Variants in KRT71 observed in about 807,000 individuals in gnomAD.
KRT71 encodes keratin, type II cytoskeletal 71.
In KRT71, 42 loss-of-function variants were observed where a neutral mutation model predicts 46.2. That is an observed-to-expected ratio of 0.91 (90% CI 0.71 to 1.18). The LOEUF (loss-of-function observed/expected upper bound fraction) is 1.18. Among genes scored for constraint, KRT71 ranks in the 50% most tolerant of loss-of-function variants. The pLI is 0.00. For missense variants in KRT71, 708 were observed against 677.9 expected (o/e 1.04, Z -0.49); for synonymous variants, 292 against 277.8 (o/e 1.05, Z -0.51).
rs1433117135 is a variant in KRT71, at chr12:52,544,574, C to T, written c.1530G>A (p.Lys510=). 1.2e-6 allele frequency: 2 copies of T among 1,614,000 alleles called. No individual in the cohort carries two copies. The highest frequency in any genetic ancestry group is 1.7e-6 in the Non-Finnish European group (2 of 1,179,998). The change falls in exon 9 of 9, where the codon AAG becomes AAA. Residue 510 remains lysine (K), a synonymous_variant. Transcript: ENST00000267119. ...TGGAGGGTGCACTCAGGCTGGAACC[C>T]TTCCCTAGGGTGTCTTTGTAATCGT... The part of the protein sequence containing the change: ...SANDYKDTLG[K]GSSLSAPSKK...
Position 52,552,876 on chromosome 12 carries a change from C to G in KRT71, c.202G>C (p.Gly68Arg). 6.2e-7 allele frequency: 1 copy of G among 1,614,200 alleles called. No individual in the cohort carries two copies. The highest frequency in any genetic ancestry group is 8.5e-7 in the Non-Finnish European group (1 of 1,180,042). The change falls in exon 1 of 9, where the codon GGC becomes CGC. Residue 68 changes from glycine to arginine, a missense_variant. Gly to Arg is a moderately radical substitution (Grantham distance 125). Transcript: ENST00000267119. ...GCCCGGCCCCGGCCAAATCCATAGC[C>G]TCCACTCTTCCCGCTGCCACTGGCC... is the stretch of plus-strand genomic sequence containing the variant. ...NVASGSGKSG[G>R]YGFGRGRASG...
chr12:52,547,234 T>G (rs1256582177), intron 6 of KRT71, among the ~76,000 whole-genome samples: 1 of 152,182 alleles, frequency 6.6e-6, no homozygotes, highest in Non-Finnish European at 1.5e-5. Flanking sequence ...CGAGGGCAAC[T>G]GTTGCCTCTC....
At position 52,550,179 on chromosome 12, in the gene KRT71, T is replaced by C. The variant is rs1939143148; in HGVS notation, c.506A>G (p.Asp169Gly). 4 of 1,614,048 alleles carry C rather than the reference T, an allele frequency of 2.5e-6. No individual in the cohort carries two copies. Among genetic ancestry groups the C allele is most frequent in the Admixed American group, 1.7e-5 (1 of 60,006 alleles). Residue 169 changes from aspartate to glycine, a missense_variant, in exon 2 of 9, where the codon GAC (aspartate) becomes GGC (glycine). Asp to Gly is a moderately conservative substitution (Grantham distance 94). Transcript: ENST00000267119. ...ETKWELLQQL[D>G]LNNCKNNLEP... ...CAGGTTGTTCTTGCAGTTGTTCAGG[T>C]CCAGCTGCTGCAGCAGCTCCCACTT... is the stretch of plus-strand genomic sequence containing the variant.
intron 6 of KRT71, 60 bp downstream of exon 6, chr12:52,547,797 T>G: frequency 6.3e-7 from 1 of 1,586,520 alleles, no homozygotes; most frequent in Non-Finnish European, 8.6e-7. Flanking sequence ...CAGCAGCTCA[T>G]CTCCCCTCTA....
chr12:52,552,929 C>A lies in KRT71; in HGVS notation c.149G>T (p.Ser50Ile), dbSNP rs768249425. 1.9e-6 allele frequency: 3 copies of A among 1,614,206 alleles called. No homozygotes were observed. Among genetic ancestry groups the A allele is most frequent in the Admixed American group, 3.3e-5 (2 of 60,034 alleles). ...SGGFGSRSLY[S>I]LGGVRSLNVA... The stretch of plus-strand genomic sequence containing the variant: ...ATTGAGGCTCCGGACACCCCCCAGG[C>A]TGTAGAGGCTCCGGCTGCCAAAGCC... The change falls in exon 1 of 9, where the codon AGC becomes ATC. Residue 50 changes from serine (S) to isoleucine (I), a missense_variant. Ser to Ile is a moderately radical substitution (Grantham distance 142). Coordinates refer to ENST00000267119, the MANE Select transcript of KRT71 (RefSeq NM_033448.3).
At chr12:52,549,389 C>T (rs1939121479) in intron 2 of KRT71, 36 bp from the exon 3 acceptor site, 6 of 1,562,208 alleles carry the variant, frequency 3.8e-6, no homozygotes, top group Non-Finnish European at 5.3e-6. Flanking sequence ...GTTAATATCT[C>T]ACTGAAAGCC....
chr12:52,549,991 G>C (rs981813056), intron 2 of KRT71, 38 bp downstream of exon 2: 4 of 1,609,138 alleles, frequency 2.5e-6, no homozygotes, highest in Non-Finnish European at 3.4e-6. Context: ...GAGGGACAAG[G>C]GCAGTTGTCC....
intron 8 of KRT71, 41 bp downstream of exon 8, chr12:52,545,524 G>T (rs773208189): frequency 7.5e-7 from 1 of 1,333,128 alleles, no homozygotes; most frequent in Non-Finnish European, 1.1e-6. Flanking sequence ...TTTCCAGGCT[G>T]CAGATTTTAC....
intron 2 of KRT71, among the ~76,000 whole-genome samples, chr12:52,549,652 A>C (rs1939127522): frequency 6.6e-6 from 1 of 152,198 alleles, no homozygotes; most frequent in Non-Finnish European, 1.5e-5. Context: ...ATTTGAGTAC[A>C]GCTTTACAAA....
At position 52,547,926 on chromosome 12, in the gene KRT71, C is replaced by T; in HGVS notation, c.1035G>A (p.Lys345=). ...GRHGDDLKNT[K]NEISELTRLI... ...GCCGAGTGAGCTCCGAGATTTCATT[C>T]TTGGTGTTTTTGAGGTCGTCCCCAT... The change falls in exon 6 of 9, where the codon AAG becomes AAA. Residue 345 remains lysine, a synonymous_variant. Coordinates refer to ENST00000267119, the MANE Select transcript of KRT71 (RefSeq NM_033448.3). 6.2e-7 allele frequency: 1 copy of T among 1,614,226 alleles called. No homozygotes were observed. The highest frequency in any genetic ancestry group is 8.5e-7 in the Non-Finnish European group (1 of 1,180,046).
At chr12:52,546,739 G>C (rs995973695) in intron 6 of KRT71, among the ~76,000 whole-genome samples, 1 of 152,210 alleles carries the variant, frequency 6.6e-6, no homozygotes, top group African/African-American at 2.4e-5. Context: ...ATGCCCTCCT[G>C]AGCGCCACTT....
Position 52,544,214 on chromosome 12 carries a change from A to G in KRT71, c.*318T>C. On this transcript the variant is annotated 3_prime_UTR_variant, in exon 9 of 9. Transcript: ENST00000267119. ...GGCAGAGACCCAGGGAGCCCAGCAG[A>G]GTAGTTAGCGACTGCGCTAGAGGCC... 2 of 421,454 alleles carry G rather than the reference A, an allele frequency of 4.7e-6. No individual in the cohort carries two copies. The highest frequency in any genetic ancestry group is 4.0e-5 in the African/African-American group (2 of 50,296). 26.1% of individuals were successfully genotyped at this position (421,454 alleles called of 1,614,324 possible).
chr12:52,552,335 TGCACACG>T, intron 1 of KRT71, among the ~76,000 whole-genome samples: 1 of 152,248 alleles, frequency 6.6e-6, no homozygotes, highest in East Asian at 1.9e-4. Flanking sequence ...AGGCCTTTTC[TGCACACG>T]GCCTGCAGGC....
In KRT71 at chr12:52,547,891, C is replaced by A; in HGVS notation, c.1070G>T (p.Arg357Ile). Residue 357 changes from arginine to isoleucine, a missense_variant, in exon 6 of 9, where the codon AGA becomes ATA. Coordinates refer to ENST00000267119, the MANE Select transcript of KRT71 (RefSeq NM_033448.3). ...CACGTTCTCGATCTCTGAGCGGATT[C>A]TCTGGATGAGCCGAGTGAGCTCCGA... ...EISELTRLIQ[R>I]IRSEIENVKK... 1 of 1,614,198 alleles carries A rather than the reference C, an allele frequency of 6.2e-7. No homozygotes were observed. Among genetic ancestry groups the A allele is most frequent in the Non-Finnish European group, 8.5e-7 (1 of 1,180,036 alleles).
At chr12:52,549,440 C>G in intron 2 of KRT71, 87 bp from the exon 3 acceptor site, 1 of 1,117,702 alleles carries the variant, frequency 8.9e-7, no homozygotes, top group Middle Eastern at 2.1e-4. Flanking sequence ...AGCAGCGTGT[C>G]CATCAGAAGA....
At chr12:52,547,755 T>C in intron 6 of KRT71, 102 bp downstream of exon 6, 1 of 1,443,160 alleles carries the variant, frequency 6.9e-7, no homozygotes, top group Non-Finnish European at 9.4e-7. Context: ...TTCTCTCTTC[T>C]CCCAGGCAGC....
intron 2 of KRT71, 136 bp downstream of exon 2, chr12:52,549,893 G>A (rs900557822): frequency 3.8e-5 from 37 of 968,700 alleles, no homozygotes; most frequent in Non-Finnish European, 5.4e-5. Context: ...GAGTTTTGTT[G>A]GGGTGATTCT....
rs371770060 is a variant in KRT71 at position 52,548,221 on chromosome 12, T to C, written c.909A>G (p.Glu303=). 1.2e-5 allele frequency: 20 copies of C among 1,614,198 alleles called. No homozygotes were observed. The highest frequency in any genetic ancestry group is 1.7e-5 in the Non-Finnish European group (20 of 1,180,018). The change falls in exon 5 of 9, where the codon GAA becomes GAG. Residue 303 remains glutamate, a synonymous_variant. Coordinates refer to ENST00000267119, the MANE Select transcript of KRT71 (RefSeq NM_033448.3). ...RNLDLDSIID[E]VRTQYEEIAL... ...CAATCTCCTCATACTGGGTGCGGAC[T>C]TCGTCAATGATGCTGTCCAGGTCTA...
intron 5 of KRT71, 25 bp from the exon 6 acceptor site, chr12:52,548,007 A>C (rs202224070): frequency 3.0e-4 from 477 of 1,605,524 alleles, no homozygotes; most frequent in Non-Finnish European, 3.5e-5. Context: ...GCACAGAGTC[A>C]TGAGTGTGTC....
Sources: allele counts gnomAD v4.1 joint callset (sites outside exome capture counted in the v4.1 genomes callset), GRCh38; gene constraint gnomAD v4.1.1; transcripts MANE v1.5; gene names NCBI Gene and HGNC (gene_info 2026-07-23, HGNC 2026-07-21).